CERS4: variants seen among roughly 807,000 people sequenced by gnomAD.
CERS4 encodes ceramide synthase 4, also known as LAG1 homolog, ceramide synthase 4.
Under a neutral mutation model 51.8 loss-of-function variants are expected in CERS4, and 65 were observed. That is an observed-to-expected ratio of 1.26 (90% confidence interval 1.03 to 1.54). CERS4 has a LOEUF of 1.54. Ranked by LOEUF, CERS4 falls within the 40% of genes most tolerant of loss-of-function variation. The pLI, the probability that CERS4 is intolerant of heterozygous loss-of-function variation, is 0.00. For missense variants in CERS4, 563 were observed against 500.4 expected, an observed-to-expected ratio of 1.13 and a Z score of -1.19; for synonymous variants, 228 against 208.4, an observed-to-expected ratio of 1.09 and a Z score of -0.81.
In CERS4 at chr19:8,257,936, A is replaced by C. The variant is rs765002992; in HGVS notation, c.799A>C (p.Ile267Leu). The C allele has an allele frequency of 6.2e-7, 1 of 1,613,890 alleles. No homozygotes were observed. Among genetic ancestry groups the C allele is most frequent in the Non-Finnish European group, 8.5e-7 (1 of 1,179,954 alleles). ...YQQVCDALFL[I>L]FSFVFFYTRL... ...GCAAGTGTGCGACGCTCTCTTCCTC[A>C]TCTTCTCCTTTGTCTTCTTCTACAC... Residue 267 changes from isoleucine (I) to leucine (L), a missense_variant, in exon 10 of 12, where the codon ATC (isoleucine) becomes CTC (leucine). Transcript: ENST00000251363.
At chr19:8,228,200 G>T (rs1014604065) in intron 2 of CERS4, among the ~76,000 whole-genome samples, 3 of 151,996 alleles carry the variant, frequency 2.0e-5, no homozygotes, top group African/African-American at 4.8e-5. Context: ...CCAAAGTGCC[G>T]AGATGACAGG....
At chr19:8,245,729 G>A (rs368357016) in intron 2 of CERS4, among the ~76,000 whole-genome samples, 56 of 150,616 alleles carry the variant, frequency 3.7e-4, no homozygotes, top group African/African-American at 1.0e-3. Flanking sequence ...TAGTAGAGAC[G>A]GGGTTTCACC....
chr19:8,245,118 A>ACAAAAAAAAC lies in CERS4; in HGVS notation c.-1-5958_-1-5957insCAAAAAAAAC, dbSNP rs768473172. 7.0e-4 allele frequency among the ~76,000 whole-genome samples: 87 copies of ACAAAAAAAAC among 124,138 alleles called. 1 individual carries two copies. The highest frequency in any genetic ancestry group is 1.1e-3 in the South Asian group (4 of 3,800). The allele number at this position is 124,138 out of a possible 152,430, so 81.4% of individuals were successfully genotyped here. The stretch of plus-strand genomic sequence containing the variant: ...CCGAGCGAGACTCCATCTCAAAAAA[A>ACAAAAAAAAC]AAAAAAAAAAAAAAAAACACTCTTG... On this transcript the variant is annotated intron_variant, in intron 2 of 11. Transcript: ENST00000251363.
At chr19:8,238,105 A>C (rs1968356169) in intron 2 of CERS4, among the ~76,000 whole-genome samples, 2 of 147,892 alleles carry the variant, frequency 1.4e-5, no homozygotes, top group African/African-American at 2.5e-5. Context: ...TTTCCCTCCA[A>C]CCCCCCAGAG....
intron 2 of CERS4, among the ~76,000 whole-genome samples, chr19:8,243,017 C>G (rs974704300): frequency 6.6e-6 from 1 of 150,610 alleles, no homozygotes; most frequent in African/African-American, 2.4e-5. Context: ...ACACCTAGTC[C>G]CCTTCCATCT....
At chr19:8,217,449 A>G (rs1004016598) in intron 2 of CERS4, among the ~76,000 whole-genome samples, 2 of 151,812 alleles carry the variant, frequency 1.3e-5, no homozygotes, top group African/African-American at 4.8e-5. Context: ...GTTCACTGCA[A>G]TCTCCGCCTC....
At position 8,213,975 on chromosome 19, in the gene CERS4, AAAAC is replaced by A. The variant is rs895530099; in HGVS notation, c.-2+3125_-2+3128del. Among the ~76,000 whole-genome samples the A allele has an allele frequency of 2.8e-4, 43 of 152,160 alleles. No individual in the cohort carries two copies. The South Asian group carries it at 6.4e-3, about 23-fold the overall frequency. On this transcript the variant is annotated intron_variant, in intron 2 of 11. Transcript: ENST00000251363. ...GGTGACAGAGCAAGACACTGTCTCA[AAAAC>A]AAACAAACAAAAAACAGAGTAGCAT...
At chr19:8,233,669 C>T (rs1009441347) in intron 2 of CERS4, among the ~76,000 whole-genome samples, 5 of 151,976 alleles carry the variant, frequency 3.3e-5, no homozygotes, top group Admixed American at 1.3e-4. Flanking sequence ...TTGAACATAG[C>T]TCTTCCTCCA....
intron 2 of CERS4, among the ~76,000 whole-genome samples, chr19:8,249,663 C>T (rs1359836163): frequency 7.4e-6 from 1 of 135,524 alleles, no homozygotes; most frequent in African/African-American, 2.8e-5. Context: ...CTGATCTCTG[C>T]TCACTGCAAC....
chr19:8,221,872 GTTTTTTTTT>G (rs71165297), intron 2 of CERS4, among the ~76,000 whole-genome samples: 4 of 39,488 alleles, frequency 1.0e-4, no homozygotes, highest in East Asian at 7.4e-4. Flanking sequence ...ATTTTTTTAT[GTTTTTTTTT>G]TTTTTTTTTT....
At chr19:8,257,098 A>C in intron 9 of CERS4, 21 bp downstream of exon 9, 1 of 1,572,422 alleles carries the variant, frequency 6.4e-7, no homozygotes, top group African/African-American at 1.3e-5. Context: ...CCCCTGCCTG[A>C]CCCTTCCCAG....
intron 2 of CERS4, among the ~76,000 whole-genome samples, chr19:8,232,251 C>T (rs556581509): frequency 6.6e-6 from 1 of 151,918 alleles, no homozygotes; most frequent in Non-Finnish European, 1.5e-5. Flanking sequence ...ACTTGTTTTT[C>T]CTCTTTAGAG....
At chr19:8,227,729 A>AG (rs922992510) in intron 2 of CERS4, among the ~76,000 whole-genome samples, 1 of 152,140 alleles carries the variant, frequency 6.6e-6, no homozygotes, top group Admixed American at 6.6e-5. Context: ...CAGTCACAAA[A>AG]GGGGAGATAC....
intron 2 of CERS4, among the ~76,000 whole-genome samples, chr19:8,222,616 A>G (rs962842046): frequency 1.3e-5 from 2 of 151,946 alleles, no homozygotes; most frequent in African/African-American, 4.8e-5. Flanking sequence ...CTCCTGCTTC[A>G]GCCTCCCGAG....
chr19:8,220,870 G>A (rs1967506736), intron 2 of CERS4, among the ~76,000 whole-genome samples: 1 of 150,804 alleles, frequency 6.6e-6, no homozygotes, highest in African/African-American at 2.4e-5. Context: ...CACCCGGGCT[G>A]GAGTACAGTG....
chr19:8,240,008 AG>A lies in CERS4; in HGVS notation c.-1-11066del, dbSNP rs1968456551. Among the ~76,000 whole-genome samples, 4 of 152,306 alleles carry A rather than the reference AG, an allele frequency of 2.6e-5. No individual in the cohort carries two copies. In the South Asian group the frequency reaches 8.3e-4, roughly 32 times the overall value. On this transcript the variant is annotated intron_variant, in intron 2 of 11. Coordinates refer to ENST00000251363, the MANE Select transcript of CERS4 (RefSeq NM_024552.3). ...GACAAGAGGGTTGAAGGAACTACAC[AG>A]GATCAGGAGACAGAATAATATGGTG...
At chr19:8,241,193 C>G (rs985962316) in intron 2 of CERS4, 1 of 152,214 alleles carries the variant, frequency 6.6e-6, no homozygotes, top group African/African-American at 2.4e-5. Flanking sequence ...TGCTGGAAAC[C>G]GTCCTAAGGG....
At chr19:8,212,592 CCT>C (rs376509200) in intron 2 of CERS4, among the ~76,000 whole-genome samples, 1 of 151,966 alleles carries the variant, frequency 6.6e-6, no homozygotes, top group East Asian at 1.9e-4. Context: ...TCTTGAAACC[CCT>C]GTTTGATAAT....
At position 8,255,989 on chromosome 19, in the gene CERS4, G is replaced by C; in HGVS notation, c.468+110G>C. Reference sequence around the variant, plus strand: ...CAGCCAGAGAGGAAAACATGCAGCTGAGGAGAGAGCGAGCTTTGCAAGATG... The same window carrying C: ...CAGCCAGAGAGGAAAACATGCAGCTCAGGAGAGAGCGAGCTTTGCAAGATG... On this transcript the variant is annotated intron_variant, in intron 6 of 11. Coordinates refer to ENST00000251363, the MANE Select transcript of CERS4 (RefSeq NM_024552.3). The C allele has an allele frequency of 1.3e-5, 16 of 1,249,972 alleles. No individual in the cohort carries two copies. In the South Asian group the frequency reaches 2.0e-4, roughly 16 times the overall value. 77.4% of individuals were successfully genotyped at this position (1,249,972 alleles called of 1,614,324 possible).
Sources: allele counts gnomAD v4.1 joint callset (sites outside exome capture counted in the v4.1 genomes callset), GRCh38; gene constraint gnomAD v4.1.1; transcripts MANE v1.5; gene names NCBI Gene and HGNC (gene_info 2026-07-23, HGNC 2026-07-21).